NEK6: variants seen among roughly 807,000 people sequenced by gnomAD.
NEK6 encodes NIMA related kinase 6, also known as serine/threonine-protein kinase Nek6.
A neutral mutation model predicts 43.5 loss-of-function variants in NEK6; 27 were observed. That is an observed-to-expected ratio of 0.62 (90% CI 0.46 to 0.86). The LOEUF (loss-of-function observed/expected upper bound fraction) is 0.86. Among genes scored for constraint, NEK6 ranks in the 40% least tolerant of loss-of-function variants. The probability of loss-of-function intolerance (pLI) is 0.00; values close to 1 mark genes in which losing one functional copy is unlikely to be tolerated. For synonymous variants in NEK6, 167 were observed against 164.1 expected, an observed-to-expected ratio of 1.02 and a Z score of -0.14; for missense variants, 318 against 414.4, an observed-to-expected ratio of 0.77 and a Z score of 2.02.
Position 124,348,029 on chromosome 9 carries a change from A to AC in NEK6, c.831+212dup, listed in dbSNP as rs1830039954. Among the ~76,000 whole-genome samples the AC allele has an allele frequency of 3.3e-5, 5 of 152,194 alleles. No individual in the cohort carries two copies. In the East Asian group the frequency reaches 9.7e-4, roughly 29 times the overall value. On this transcript the variant is annotated intron_variant, in intron 9 of 9. Transcript: ENST00000320246. ...TTTCACCACGCAGCTCCAGTGTGGGACCCCCAGGTAGGAACCAGTGGCACG... is the reference window on the plus strand; with the variant it reads ...TTTCACCACGCAGCTCCAGTGTGGGACCCCCCAGGTAGGAACCAGTGGCACG...
At chr9:124,258,242 C>A in intron 1 of NEK6, 157 bp downstream of exon 1, 2 of 982,516 alleles carry the variant, frequency 2.0e-6, no homozygotes, top group Non-Finnish European at 1.2e-6. Flanking sequence ...AGTGTGGCCG[C>A]GCGGGGCTGA....
intron 1 of NEK6, among the ~76,000 whole-genome samples, chr9:124,282,057 G>A (rs960952865): frequency 3.3e-5 from 5 of 152,220 alleles, no homozygotes; most frequent in African/African-American, 4.8e-5. Flanking sequence ...GCGGTGGGGC[G>A]TATTGGTTTC....
At chr9:124,277,828 C>T (rs1291564286) in intron 1 of NEK6, among the ~76,000 whole-genome samples, 3 of 152,220 alleles carry the variant, frequency 2.0e-5, no homozygotes, top group Non-Finnish European at 4.4e-5. Context: ...CCCCAATTTC[C>T]AGGCTGCCTC....
chr9:124,316,710 C>T (rs1434036112), intron 4 of NEK6, among the ~76,000 whole-genome samples: 1 of 152,198 alleles, frequency 6.6e-6, no homozygotes, highest in African/African-American at 2.4e-5. Context: ...GGCGATTTAG[C>T]CCAATGGACG....
chr9:124,316,986 C>T (rs926614755), intron 4 of NEK6, among the ~76,000 whole-genome samples: 5 of 152,164 alleles, frequency 3.3e-5, no homozygotes, highest in Admixed American at 6.5e-5. Flanking sequence ...GTGAGATTTC[C>T]TGGTGACATA....
intron 1 of NEK6, among the ~76,000 whole-genome samples, chr9:124,280,739 C>G (rs1831867164): frequency 6.6e-6 from 1 of 152,192 alleles, no homozygotes; most frequent in Non-Finnish European, 1.5e-5. Context: ...GGGTCCTCAG[C>G]CTTGACATTT....
At chr9:124,267,367 G>A (rs1052761485) in intron 1 of NEK6, among the ~76,000 whole-genome samples, 1 of 152,202 alleles carries the variant, frequency 6.6e-6, no homozygotes, top group Non-Finnish European at 1.5e-5. Flanking sequence ...GGTCGAGTCC[G>A]CCTGGATTCA....
intron 1 of NEK6, among the ~76,000 whole-genome samples, chr9:124,262,455 G>A (rs571640796): frequency 6.6e-6 from 1 of 152,376 alleles, no homozygotes; most frequent in African/African-American, 2.4e-5. Context: ...GGACTTGCTT[G>A]TGTGGAAACA....
chr9:124,275,561 T>G lies in NEK6; in HGVS notation c.-30+17476T>G, dbSNP rs1831617930. Among the ~76,000 whole-genome samples the G allele has an allele frequency of 6.6e-6, 1 of 151,904 alleles. No individual in the cohort carries two copies. Among genetic ancestry groups the G allele is most frequent in the African/African-American group, 2.4e-5 (1 of 41,346 alleles). On this transcript the variant is annotated intron_variant, in intron 1 of 9. Transcript: ENST00000320246. This position sits in a 1 kb window ranked among gnomAD's most constrained non-coding sequence, Gnocchi z 4.4. Reference sequence around the variant, plus strand: ...CTCAGACATCACTGCTTCTGGGGAGTCTCCTCTGACCTCAGCACACTGCTT... The same window carrying G: ...CTCAGACATCACTGCTTCTGGGGAGGCTCCTCTGACCTCAGCACACTGCTT...
chr9:124,289,906 C>T (rs1832332154), intron 1 of NEK6, among the ~76,000 whole-genome samples: 1 of 152,182 alleles, frequency 6.6e-6, no homozygotes, highest in Non-Finnish European at 1.5e-5. Flanking sequence ...CTGTATGAGT[C>T]CTGGGCCACC....
chr9:124,285,515 G>A (rs1172902182), intron 1 of NEK6, among the ~76,000 whole-genome samples: 1 of 152,092 alleles, frequency 6.6e-6, no homozygotes, highest in Non-Finnish European at 1.5e-5. Context: ...GGAGCCTCCC[G>A]AGAGTCTCCC....
At chr9:124,322,513 G>A (rs575614733) in intron 5 of NEK6, among the ~76,000 whole-genome samples, 1 of 152,282 alleles carries the variant, frequency 6.6e-6, no homozygotes, top group South Asian at 2.1e-4. Context: ...GAGAGGTCTA[G>A]TCTCCTGCCC....
chr9:124,345,513 T>C (rs1490298769), intron 8 of NEK6, among the ~76,000 whole-genome samples: 1 of 152,164 alleles, frequency 6.6e-6, no homozygotes, highest in African/African-American at 2.4e-5. Context: ...TGATGGGAAG[T>C]GGATGCCAGC....
chr9:124,262,042 G>A (rs1401130051), intron 1 of NEK6, among the ~76,000 whole-genome samples: 1 of 151,928 alleles, frequency 6.6e-6, no homozygotes, highest in African/African-American at 2.4e-5. Flanking sequence ...CTGGGGAGCA[G>A]GAGTGCTCTT....
In NEK6 at chr9:124,297,077, C is replaced by T. The variant is rs116247445; in HGVS notation, c.-29-4859C>T. 5.3e-3 allele frequency among the ~76,000 whole-genome samples: 811 copies of T among 152,310 alleles called. 6 individuals are homozygous for T. Among genetic ancestry groups the T allele is most frequent in the African/African-American group, 0.019 (777 of 41,562 alleles). ...CCACGGCTCACGTAGATGATGAAGA[C>T]GTTTGCTCCAGAGCAGTCCTAAAGA... is the stretch of plus-strand genomic sequence containing the variant. On this transcript the variant is annotated intron_variant, in intron 1 of 9. Transcript: ENST00000320246.
intron 1 of NEK6, among the ~76,000 whole-genome samples, chr9:124,291,195 T>C (rs1208648590): frequency 6.6e-6 from 1 of 152,208 alleles, no homozygotes; most frequent in Non-Finnish European, 1.5e-5. Context: ...CCCGTGAGAA[T>C]GCAGGTGCAC....
chr9:124,346,159 C>G (rs1183895615), intron 8 of NEK6, among the ~76,000 whole-genome samples: 2 of 152,192 alleles, frequency 1.3e-5, no homozygotes, highest in African/African-American at 4.8e-5. Context: ...CTCCTGGTCC[C>G]GAGGGTGCTG....
chr9:124,346,841 T>C (rs951596081), intron 8 of NEK6, among the ~76,000 whole-genome samples: 1 of 152,212 alleles, frequency 6.6e-6, no homozygotes, highest in Non-Finnish European at 1.5e-5. Flanking sequence ...CCCCCGTGGC[T>C]GTGGCCGGCC....
rs1327040875 is a variant in NEK6 at position 124,324,557 on chromosome 9, G to A, written c.406-1773G>A. ...AAAATCACCACTCTCGGCCACGCGC[G>A]TCCCTGCTTAAATGCTGTAATGAGG... On this transcript the variant is annotated intron_variant, in intron 5 of 9. Transcript: ENST00000320246. This position sits in a 1 kb window ranked among gnomAD's most constrained non-coding sequence, Gnocchi z 5.3. Among the ~76,000 whole-genome samples the A allele has an allele frequency of 2.0e-5, 3 of 152,296 alleles. No individual in the cohort carries two copies. Among genetic ancestry groups the A allele is most frequent in the East Asian group, 1.9e-4 (1 of 5,178 alleles).
Sources: allele counts gnomAD v4.1 joint callset (sites outside exome capture counted in the v4.1 genomes callset), GRCh38; gene constraint gnomAD v4.1.1; non-coding constraint Gnocchi (gnomAD v3.1); transcripts MANE v1.5; gene names NCBI Gene and HGNC (gene_info 2026-07-23, HGNC 2026-07-21).